Variants in FGF12 observed in about 807,000 individuals in gnomAD.
FGF12 encodes the protein fibroblast growth factor 12, also known as fibroblast growth factor 12B.
In FGF12, 14 loss-of-function variants were observed where a neutral mutation model predicts 23.6. That is an observed-to-expected ratio of 0.59 (90% CI 0.39 to 0.93). FGF12 has a LOEUF of 0.93. FGF12 is among the 40% of genes least tolerant of loss of function. FGF12 has a pLI of 0.00. For synonymous variants in FGF12, 62 were observed against 77.3 expected (o/e 0.80, Z 1.04); for missense variants, 175 against 217.8 (o/e 0.80, Z 1.24).
intron 2 of FGF12, among the ~76,000 whole-genome samples, chr3:192,483,344 C>A (rs1462402533): frequency 1.3e-5 from 2 of 152,102 alleles, no homozygotes; most frequent in South Asian, 4.1e-4. Flanking sequence ...CTCTAAACTT[C>A]CACAGCCCTT....
intron 2 of FGF12, among the ~76,000 whole-genome samples, chr3:192,374,793 A>T (rs774797407): frequency 6.6e-5 from 10 of 152,210 alleles, no homozygotes; most frequent in Non-Finnish European, 1.2e-4. Context: ...ATTTGAGCGC[A>T]GGCAGCCTGG....
chr3:192,177,187 A>G (rs1715909189), intron 4 of FGF12, among the ~76,000 whole-genome samples: 1 of 152,182 alleles, frequency 6.6e-6, no homozygotes, highest in Admixed American at 6.5e-5. Flanking sequence ...ACGCCAGTTA[A>G]CCTCTCTGAG....
chr3:192,242,588 T>G (rs1719679314), intron 4 of FGF12, among the ~76,000 whole-genome samples: 4 of 152,080 alleles, frequency 2.6e-5, no homozygotes, highest in Admixed American at 2.6e-4. Context: ...TTTAATAAAC[T>G]CTACAAATTA....
chr3:192,521,039 C>T (rs937466313), intron 2 of FGF12, among the ~76,000 whole-genome samples: 1 of 152,050 alleles, frequency 6.6e-6, no homozygotes, highest in East Asian at 1.9e-4. Context: ...AATGCTGGGT[C>T]GAAAAGTATG....
At chr3:192,172,135 T>C (rs189362106) in intron 4 of FGF12, among the ~76,000 whole-genome samples, 92 of 152,268 alleles carry the variant, frequency 6.0e-4, no homozygotes, top group African/African-American at 2.1e-3. Context: ...ACCTCTGTAA[T>C]GCCAGCACTT....
chr3:192,674,984 T>C (rs1384563983), intron 2 of FGF12, among the ~76,000 whole-genome samples: 3 of 152,238 alleles, frequency 2.0e-5, no homozygotes, highest in African/African-American at 7.2e-5. Flanking sequence ...CTTTTTACCA[T>C]CATCTATCTA....
chr3:192,164,626 A>G (rs559081457), intron 5 of FGF12, among the ~76,000 whole-genome samples: 6 of 152,278 alleles, frequency 3.9e-5, no homozygotes, highest in Middle Eastern at 3.4e-3. Context: ...ACAAAAGAAC[A>G]AAAGCAAAAC....
chr3:192,682,225 A>T (rs1717555054), intron 2 of FGF12, among the ~76,000 whole-genome samples: 1 of 152,190 alleles, frequency 6.6e-6, no homozygotes, highest in Non-Finnish European at 1.5e-5. Context: ...AAGCAAGGTA[A>T]ACAGCAGACA....
intron 2 of FGF12, among the ~76,000 whole-genome samples, chr3:192,546,302 C>G (rs1365912021): frequency 6.6e-6 from 1 of 152,030 alleles, no homozygotes; most frequent in African/African-American, 2.4e-5. Flanking sequence ...TTACAATAGG[C>G]ACTAAACAAA....
chr3:192,711,810 G>A (rs1024753440), intron 2 of FGF12, among the ~76,000 whole-genome samples: 13 of 151,924 alleles, frequency 8.6e-5, no homozygotes, highest in Non-Finnish European at 1.6e-4. Context: ...CAAACACTGC[G>A]GAAGTTCCCA....
intron 2 of FGF12, among the ~76,000 whole-genome samples, chr3:192,717,856 C>T (rs1003351450): frequency 1.1e-4 from 17 of 152,102 alleles, no homozygotes; most frequent in African/African-American, 4.1e-4. Flanking sequence ...AGATATTTCC[C>T]TTTCTTTTAT....
At chr3:192,420,793 C>T (rs1405322746) in intron 2 of FGF12, among the ~76,000 whole-genome samples, 3 of 152,088 alleles carry the variant, frequency 2.0e-5, no homozygotes, top group Non-Finnish European at 4.4e-5. Context: ...TTTTTAGCAA[C>T]ATCAAATGGG....
At chr3:192,150,941 G>T (rs61424957) in intron 5 of FGF12, among the ~76,000 whole-genome samples, 25 of 131,872 alleles carry the variant, frequency 1.9e-4, no homozygotes, top group Admixed American at 4.7e-4. Context: ...ATTCTTCCTA[G>T]CCATGAGCAT....
At chr3:192,622,622 T>C (rs570176782) in intron 2 of FGF12, among the ~76,000 whole-genome samples, 1 of 152,326 alleles carries the variant, frequency 6.6e-6, no homozygotes, top group Admixed American at 6.5e-5. Context: ...AAGCTTAGTT[T>C]ACATAATTGT....
At chr3:192,719,801 A>G (rs933984323) in intron 2 of FGF12, among the ~76,000 whole-genome samples, 1 of 131,264 alleles carries the variant, frequency 7.6e-6, no homozygotes, top group Non-Finnish European at 1.6e-5. Flanking sequence ...AAAAAAAAAA[A>G]AAAGAAAAAC....
intron 5 of FGF12, among the ~76,000 whole-genome samples, chr3:192,164,032 CT>C (rs199538726): frequency 4.6e-5 from 7 of 151,430 alleles, no homozygotes; most frequent in African/African-American, 9.7e-5. Flanking sequence ...AGTACACAGA[CT>C]TTTTTTTTCA....
chr3:192,512,681 C>A (rs1288811010), intron 2 of FGF12, among the ~76,000 whole-genome samples: 1 of 151,042 alleles, frequency 6.6e-6, no homozygotes, highest in East Asian at 1.9e-4. Flanking sequence ...CCGTATATTA[C>A]CTCTGTCTGT....
intron 5 of FGF12, among the ~76,000 whole-genome samples, chr3:192,155,142 A>AG (rs1560169702): frequency 3.3e-4 from 50 of 151,916 alleles, no homozygotes; most frequent in African/African-American, 1.1e-3. Context: ...TGCGCTTCCC[A>AG]GGTGAGGCAA....
chr3:192,610,121 T>C (rs1714496343), intron 2 of FGF12, among the ~76,000 whole-genome samples: 1 of 152,046 alleles, frequency 6.6e-6, no homozygotes, highest in African/African-American at 2.4e-5. Context: ...GAACATTCAA[T>C]TTCCAGAGTT....
Sources: gnomAD v4.1 joint callset for allele counts (sites outside exome capture counted in the v4.1 genomes callset) on GRCh38, gnomAD v4.1.1 for gene constraint, MANE v1.5 for transcripts, NCBI Gene and HGNC (gene_info 2026-07-23, HGNC 2026-07-21) for gene names.